RASSF2: variants seen among roughly 807,000 people sequenced by gnomAD.
RASSF2 encodes ras association domain-containing protein 2.
A neutral mutation model predicts 46.3 loss-of-function variants in RASSF2; 34 were observed. The observed-to-expected ratio is 0.73, with a 90% CI of 0.56 to 0.98. The LOEUF is 0.98. Among genes scored for constraint, RASSF2 ranks in the 50% least tolerant of loss-of-function variants. The probability of loss-of-function intolerance (pLI) is 0.00; values close to 1 mark genes in which losing one functional copy is unlikely to be tolerated. For missense variants in RASSF2, 364 were observed against 431.2 expected, an observed-to-expected ratio of 0.84 and a Z score of 1.38; for synonymous variants, 158 against 162.5, an observed-to-expected ratio of 0.97 and a Z score of 0.21.
intron 4 of RASSF2, among the ~76,000 whole-genome samples, 178 bp downstream of exon 4, chr20:4,797,832 T>C (rs73588954): frequency 0.031 from 4,749 of 152,208 alleles, 265 homozygotes; most frequent in African/African-American, 0.11. Flanking sequence ...TTCATCCTTT[T>C]TGGAACAAAA....
At chr20:4,789,567 T>C (rs757304527) in intron 8 of RASSF2, 29 bp downstream of exon 8, 64 of 1,567,604 alleles carry the variant, frequency 4.1e-5, no homozygotes, top group Non-Finnish European at 5.4e-5. Context: ...TGTGACCCCA[T>C]CTGTGGCCAC....
chr20:4,823,277 C>T (rs1928844877), intron 1 of RASSF2, among the ~76,000 whole-genome samples: 1 of 151,994 alleles, frequency 6.6e-6, no homozygotes, highest in African/African-American at 2.4e-5. Context: ...GCCAGTGCCT[C>T]GCTCCCAGTG....
intron 6 of RASSF2, 40 bp downstream of exon 6, chr20:4,792,499 A>T (rs752181730): frequency 2.9e-5 from 46 of 1,613,174 alleles, no homozygotes; most frequent in Non-Finnish European, 3.7e-5. Context: ...GTCTTCACAC[A>T]GTTGGTCCCT....
At chr20:4,799,630 A>C (rs940788240) in intron 3 of RASSF2, among the ~76,000 whole-genome samples, 1 of 152,250 alleles carries the variant, frequency 6.6e-6, no homozygotes, top group Non-Finnish European at 1.5e-5. Flanking sequence ...CACCTAAGAC[A>C]AAAGGCCGTT....
At chr20:4,815,548 G>C (rs1005840414) in intron 2 of RASSF2, among the ~76,000 whole-genome samples, 5 of 152,172 alleles carry the variant, frequency 3.3e-5, no homozygotes, top group African/African-American at 9.7e-5. Flanking sequence ...ACACACAAAG[G>C]ATGCTTGAAA....
chr20:4,813,225 C>T (rs377045295), intron 2 of RASSF2, among the ~76,000 whole-genome samples: 6 of 152,334 alleles, frequency 3.9e-5, no homozygotes, highest in African/African-American at 1.4e-4. Flanking sequence ...CACTCCCATC[C>T]CCGGAGCTGC....
intron 2 of RASSF2, among the ~76,000 whole-genome samples, chr20:4,815,797 C>T (rs1201241440): frequency 6.6e-6 from 1 of 152,182 alleles, no homozygotes; most frequent in African/African-American, 2.4e-5. Context: ...TGGTCAGCTC[C>T]CAAGCCAGTG....
intron 4 of RASSF2, among the ~76,000 whole-genome samples, chr20:4,796,717 C>T (rs535688075): frequency 2.0e-5 from 3 of 152,334 alleles, no homozygotes; most frequent in South Asian, 2.1e-4. Flanking sequence ...AATTGGGACT[C>T]GCTTATGACT....
intron 2 of RASSF2, among the ~76,000 whole-genome samples, chr20:4,819,161 C>T (rs1010358477): frequency 6.8e-4 from 104 of 152,088 alleles, no homozygotes; most frequent in Non-Finnish European, 2.4e-4. Flanking sequence ...CGGGGTTTCA[C>T]CATGTTGGTC....
rs1289890919 is a variant in RASSF2 at position 4,783,149 on chromosome 20, C to G, written c.*1124G>C. 1.3e-5 allele frequency: 2 copies of G among 152,304 alleles called. No homozygotes were observed. The highest frequency in any genetic ancestry group is 2.9e-5 in the Non-Finnish European group (2 of 68,076). 9.4% of individuals were successfully genotyped at this position (152,304 alleles called of 1,614,324 possible). ...GAGGCTTCATTCTTGGAATGCATCTCCACACACAAGGTGAGGGCAACTTGC... is the reference window on the plus strand; with the variant it reads ...GAGGCTTCATTCTTGGAATGCATCTGCACACACAAGGTGAGGGCAACTTGC... On this transcript the variant is annotated 3_prime_UTR_variant, in exon 12 of 12. Transcript: ENST00000379400.
chr20:4,791,492 G>A (rs1273469660), intron 6 of RASSF2, among the ~76,000 whole-genome samples: 1 of 152,068 alleles, frequency 6.6e-6, no homozygotes, highest in Non-Finnish European at 1.5e-5. Context: ...AAAATATGTG[G>A]GGTTCCCATG....
At chr20:4,784,592 C>CAAAAA (rs71197728) in intron 11 of RASSF2, among the ~76,000 whole-genome samples, 3 of 89,884 alleles carry the variant, frequency 3.3e-5, no homozygotes, top group Non-Finnish European at 6.5e-5. Context: ...AACATCTAGC[C>CAAAAA]AAAAAAAAAA....
chr20:4,784,098 G>T lies in RASSF2; in HGVS notation c.*175C>A. 7.7e-6 allele frequency: 5 copies of T among 650,882 alleles called. 1 individual carries two copies. The South Asian group carries it at 9.3e-5, about 12-fold the overall frequency. 40.3% of individuals were successfully genotyped at this position (650,882 alleles called of 1,614,324 possible). A position where few individuals can be genotyped will look rare whatever the true frequency, so the allele number is the denominator to read the frequency against. Reference sequence around the variant, plus strand: ...GAAAAAAGGAGGGCAGGGGTCCAGGGATAGGGAGCTGTCTGCTGACTTCTA... The same window carrying T: ...GAAAAAAGGAGGGCAGGGGTCCAGGTATAGGGAGCTGTCTGCTGACTTCTA... On this transcript the variant is annotated 3_prime_UTR_variant, in exon 12 of 12. Coordinates refer to ENST00000379400, the MANE Select transcript of RASSF2 (RefSeq NM_014737.3).
At position 4,802,946 on chromosome 20, in the gene RASSF2, T is replaced by C. The variant is rs1011998673; in HGVS notation, c.-32-1884A>G. ...TTTTTTGAGACAGAGACTCACTCTGTTACCCAGGCTGGAGTGCAGTGGCAT... is the reference window on the plus strand; with the variant it reads ...TTTTTTGAGACAGAGACTCACTCTGCTACCCAGGCTGGAGTGCAGTGGCAT... On this transcript the variant is annotated intron_variant, in intron 2 of 11. Transcript: ENST00000379400. 6.7e-5 allele frequency among the ~76,000 whole-genome samples: 10 copies of C among 149,148 alleles called. 1 individual carries two copies. Among genetic ancestry groups the C allele is most frequent in the African/African-American group, 2.2e-4 (9 of 40,360 alleles).
At chr20:4,797,833 T>A (rs1373394927) in intron 4 of RASSF2, among the ~76,000 whole-genome samples, 177 bp downstream of exon 4, 1 of 152,178 alleles carries the variant, frequency 6.6e-6, no homozygotes, top group African/African-American at 2.4e-5. Flanking sequence ...TCATCCTTTT[T>A]GGAACAAAAC....
rs1003876902 is a variant in RASSF2 at position 4,783,579 on chromosome 20, A to C, written c.*694T>G. 4 of 152,676 alleles carry C rather than the reference A, an allele frequency of 2.6e-5. No homozygotes were observed. Among genetic ancestry groups the C allele is most frequent in the African/African-American group, 9.6e-5 (4 of 41,456 alleles). 9.5% of individuals were successfully genotyped at this position (152,676 alleles called of 1,614,324 possible). A position where few individuals can be genotyped will look rare whatever the true frequency, so the allele number is the denominator to read the frequency against. On this transcript the variant is annotated 3_prime_UTR_variant, in exon 12 of 12. Coordinates refer to ENST00000379400, the MANE Select transcript of RASSF2 (RefSeq NM_014737.3). Reference sequence around the variant, plus strand: ...CATCACATATGTCTTTGTCATTTAAAACAATCAACGTTTCCAGTGTAAAAA... The same window carrying C: ...CATCACATATGTCTTTGTCATTTAACACAATCAACGTTTCCAGTGTAAAAA...
At position 4,788,316 on chromosome 20, in the gene RASSF2, C is replaced by T. The variant is rs372967978; in HGVS notation, c.640-48G>A. 3.7e-4 allele frequency: 564 copies of T among 1,530,396 alleles called. 1 individual carries two copies. The highest frequency in any genetic ancestry group is 2.3e-3 in the African/African-American group (165 of 73,238). 94.8% of individuals were successfully genotyped at this position (1,530,396 alleles called of 1,614,324 possible). ...TTGTTGAAAGTTTCTATTTAAACAT[C>T]CCAACTTCGAGGCTTTTCCTCTTCT... is the stretch of plus-strand genomic sequence containing the variant. On this transcript the variant is annotated intron_variant, in intron 8 of 11. Coordinates refer to ENST00000379400, the MANE Select transcript of RASSF2 (RefSeq NM_014737.3).
chr20:4,796,967 C>G (rs1601102046), intron 4 of RASSF2, among the ~76,000 whole-genome samples: 1 of 152,056 alleles, frequency 6.6e-6, no homozygotes, highest in East Asian at 1.9e-4. Context: ...CAGGACAAGC[C>G]CCATAGGTGA....
chr20:4,797,508 T>C (rs1209618253), intron 4 of RASSF2, among the ~76,000 whole-genome samples: 1 of 152,148 alleles, frequency 6.6e-6, no homozygotes, highest in African/African-American at 2.4e-5. Flanking sequence ...AGTTTCAGGA[T>C]GGGAATCAGA....
Sources: gnomAD v4.1 joint callset for allele counts (sites outside exome capture counted in the v4.1 genomes callset) on GRCh38, gnomAD v4.1.1 for gene constraint, MANE v1.5 for transcripts, NCBI Gene and HGNC (gene_info 2026-07-23, HGNC 2026-07-21) for gene names.